CLHC1: variants seen among roughly 807,000 people sequenced by gnomAD.
CLHC1 encodes the protein clathrin heavy chain linker domain containing 1, also known as clathrin heavy chain linker domain-containing protein 1.
Under a neutral mutation model 69.5 loss-of-function variants are expected in CLHC1, and 72 were observed. The observed-to-expected ratio is 1.04, with a 90% CI of 0.86 to 1.26. The LOEUF (loss-of-function observed/expected upper bound fraction) is 1.26, where lower values mean the gene tolerates loss of function less well. Among genes scored for constraint, CLHC1 ranks in the 50% most tolerant of loss-of-function variants. The pLI is 0.00. For synonymous variants in CLHC1, 223 were observed against 224.3 expected (o/e 0.99, Z 0.05); for missense variants, 790 against 679.3 (o/e 1.16, Z -1.81).
Position 55,226,300 on chromosome 2 carries a change from ACTCTTGG to A in CLHC1, c.-83+1725_-83+1731del, listed in dbSNP as rs1180366239. On this transcript the variant is annotated intron_variant, in intron 2 of 12. Transcript: ENST00000401408. ...TTTAGTCACATTAACTTCAAACAGA[ACTCTTGG>A]CTTGCTTAATAATGGCTGGCAAGGC... 5.9e-5 allele frequency among the ~76,000 whole-genome samples: 9 copies of A among 152,040 alleles called. No individual in the cohort carries two copies. The East Asian group carries it at 1.7e-3, about 29-fold the overall frequency.
chr2:55,213,401 T>C (rs1380380394), intron 4 of CLHC1, among the ~76,000 whole-genome samples: 1 of 152,204 alleles, frequency 6.6e-6, no homozygotes, highest in Non-Finnish European at 1.5e-5. Context: ...TATTAGGACA[T>C]TTATGATCAT....
chr2:55,180,466 G>T (rs778478296), intron 11 of CLHC1, 44 bp downstream of exon 11: 2 of 1,415,648 alleles, frequency 1.4e-6, no homozygotes, highest in Non-Finnish European at 2.0e-6. Context: ...TACAATTAAA[G>T]CCCAGAATTC....
chr2:55,190,360 G>T (rs912549480), intron 9 of CLHC1, among the ~76,000 whole-genome samples: 1 of 152,034 alleles, frequency 6.6e-6, no homozygotes, highest in African/African-American at 2.4e-5. Flanking sequence ...AATTCTTAAT[G>T]TCTTGCATCC....
At chr2:55,213,768 A>AG (rs1673226887) in intron 4 of CLHC1, among the ~76,000 whole-genome samples, 1 of 152,250 alleles carries the variant, frequency 6.6e-6, no homozygotes. Flanking sequence ...AAGCATAGTA[A>AG]GGAAGACTTT....
intron 9 of CLHC1, among the ~76,000 whole-genome samples, chr2:55,204,706 G>T (rs970521335): frequency 2.0e-5 from 3 of 152,068 alleles, no homozygotes; most frequent in African/African-American, 4.8e-5. Context: ...CAGACAAATG[G>T]AAAGAAAATG....
intron 9 of CLHC1, among the ~76,000 whole-genome samples, chr2:55,199,426 G>A (rs538600648): frequency 2.0e-5 from 3 of 151,534 alleles, no homozygotes; most frequent in Non-Finnish European, 4.4e-5. Flanking sequence ...ACACAAAAAA[G>A]GCAGTATTAT....
At chr2:55,227,156 G>A in intron 2 of CLHC1, among the ~76,000 whole-genome samples, 1 of 152,118 alleles carries the variant, frequency 6.6e-6, no homozygotes, top group Admixed American at 6.5e-5. Context: ...GTCAATTTAT[G>A]AATTAATATA....
intron 11 of CLHC1, among the ~76,000 whole-genome samples, chr2:55,179,509 T>C (rs1388776434): frequency 1.3e-5 from 2 of 152,104 alleles, no homozygotes; most frequent in Non-Finnish European, 2.9e-5. Flanking sequence ...TGCTTGAAAA[T>C]GACCAGATTC....
chr2:55,230,617 G>A (rs970793314), intron 1 of CLHC1, among the ~76,000 whole-genome samples: 4 of 152,272 alleles, frequency 2.6e-5, no homozygotes, highest in African/African-American at 9.6e-5. Context: ...ATGGTTAGAG[G>A]TCTTGCAGAT....
At chr2:55,193,186 C>T (rs1671095177) in intron 9 of CLHC1, among the ~76,000 whole-genome samples, 1 of 152,092 alleles carries the variant, frequency 6.6e-6, no homozygotes, top group Non-Finnish European at 1.5e-5. Flanking sequence ...ACCACCGCGC[C>T]TGGACAGATC....
chr2:55,206,262 A>G lies in CLHC1; in HGVS notation c.1006+8T>C. On this transcript the variant is annotated splice_region_variant and intron_variant, in intron 9 of 12. Transcript: ENST00000401408. ...ATACATATATAAGGTTCAGAGAGAA[A>G]TGCTTACCCTTAAATGTATTCATTG... 1.3e-6 allele frequency: 2 copies of G among 1,497,274 alleles called. No individual in the cohort carries two copies. Among genetic ancestry groups the G allele is most frequent in the Non-Finnish European group, 1.9e-6 (2 of 1,075,702 alleles). The allele number at this position is 1,497,274 out of a possible 1,614,324, so 92.7% of individuals were successfully genotyped here. A position where few individuals can be genotyped will look rare whatever the true frequency, so the allele number is the denominator to read the frequency against.
At chr2:55,202,292 A>C (rs1166017721) in intron 9 of CLHC1, among the ~76,000 whole-genome samples, 1 of 151,030 alleles carries the variant, frequency 6.6e-6, no homozygotes, top group South Asian at 2.1e-4. Context: ...GCGGTGGCTC[A>C]TGCCTGTAAT....
intron 5 of CLHC1, among the ~76,000 whole-genome samples, chr2:55,210,528 G>T (rs1379492913): frequency 6.6e-6 from 1 of 152,016 alleles, no homozygotes; most frequent in Non-Finnish European, 1.5e-5. Flanking sequence ...TATCAATGAA[G>T]ACTCGGTGAA....
Position 55,181,577 on chromosome 2 carries a change from G to C in CLHC1, c.1174C>G (p.Gln392Glu). 1 of 1,604,570 alleles carries C rather than the reference G, an allele frequency of 6.2e-7. No individual in the cohort carries two copies. The highest frequency in any genetic ancestry group is 8.5e-7 in the Non-Finnish European group (1 of 1,177,164). Residue 392 changes from glutamine to glutamate, a missense_variant, in exon 10 of 13, where the codon CAG becomes GAG. By Grantham distance (29) the Gln-to-Glu change is conservative (BLOSUM62 2). Transcript: ENST00000401408. ...RLDLVTNWVT[Q>E]ERLTFSEEAG... ...AAGCTTAACTTTGCTTACCTTTCCT[G>C]TGTAACCCAATTGGTAACTAAATCT...
intron 3 of CLHC1, 111 bp from the exon 4 acceptor site, chr2:55,218,109 A>G (rs1318673331): frequency 1.8e-6 from 1 of 550,052 alleles, no homozygotes; most frequent in Non-Finnish European, 2.9e-6. Flanking sequence ...CATGATTAGC[A>G]ATTAGAAATC....
At chr2:55,203,550 T>A (rs769915236) in intron 9 of CLHC1, among the ~76,000 whole-genome samples, 14 of 152,024 alleles carry the variant, frequency 9.2e-5, no homozygotes, top group African/African-American at 2.9e-4. Flanking sequence ...GACAAGAACA[T>A]ATACTGGGGA....
At chr2:55,208,972 A>C (rs936676045) in intron 7 of CLHC1, among the ~76,000 whole-genome samples, 2 of 144,366 alleles carry the variant, frequency 1.4e-5, no homozygotes, top group Admixed American at 1.5e-4. Context: ...CCGGGTTCAC[A>C]CCATTCTCCT....
chr2:55,224,346 T>C, intron 2 of CLHC1: 1 of 452,646 alleles, frequency 2.2e-6, no homozygotes, highest in Non-Finnish European at 4.5e-6. Flanking sequence ...CCTTGACAGC[T>C]CCCTCCTGCT....
chr2:55,224,446 C>A, intron 2 of CLHC1: 2 of 418,362 alleles, frequency 4.8e-6, no homozygotes, highest in South Asian at 3.8e-5. Context: ...CCGACAATGT[C>A]AGATTCCTGG....
Sources: gnomAD v4.1 joint callset for allele counts (sites outside exome capture counted in the v4.1 genomes callset) on GRCh38, gnomAD v4.1.1 for gene constraint, MANE v1.5 for transcripts, NCBI Gene and HGNC (gene_info 2026-07-23, HGNC 2026-07-21) for gene names.